The following GRAMD1B variants were observed in gnomAD, a reference collection of about 807,000 sequenced individuals.
GRAMD1B encodes protein Aster-B.
A neutral mutation model predicts 99.7 loss-of-function variants in GRAMD1B; 37 were observed. The observed-to-expected ratio is 0.37, with a 90% confidence interval of 0.29 to 0.49. GRAMD1B has a LOEUF of 0.49. Ranked by LOEUF, GRAMD1B falls within the 20% of genes least tolerant of loss-of-function variation. The pLI is 0.98. For synonymous variants in GRAMD1B, 427 were observed against 387.6 expected (o/e 1.10, Z -1.19); for missense variants, 888 against 1,009.2 (o/e 0.88, Z 1.63).
upstream of GRAMD1B, among the ~76,000 whole-genome samples, chr11:123,429,979 C>A (rs1948789369): frequency 6.6e-6 from 1 of 152,112 alleles, no homozygotes; most frequent in African/African-American, 2.4e-5. The surrounding 1 kb of genome is among the most constrained non-coding windows in gnomAD (Gnocchi z 4.0). Context: ...TTCATTGACT[C>A]CCCTTTCTCT....
At chr11:123,460,813 G>C (rs969792353) in intron 1 of GRAMD1B, among the ~76,000 whole-genome samples, 1 of 152,056 alleles carries the variant, frequency 6.6e-6, no homozygotes, top group African/African-American at 2.4e-5. Context: ...TCACTAGAGC[G>C]GTTGGTCTTT....
intron 16 of GRAMD1B, 100 bp downstream of exon 16, chr11:123,613,758 C>A: frequency 1.3e-6 from 1 of 777,698 alleles, no homozygotes; most frequent in Non-Finnish European, 2.1e-6. Context: ...TGCACCTTGG[C>A]TATAATTTGT....
chr11:123,438,590 T>C (rs1211139681), intron 1 of GRAMD1B, among the ~76,000 whole-genome samples: 2 of 152,102 alleles, frequency 1.3e-5, no homozygotes, highest in African/African-American at 4.8e-5. Flanking sequence ...ACTGAGACGG[T>C]AGAGATGGAA....
intron 1 of GRAMD1B, among the ~76,000 whole-genome samples, chr11:123,463,396 A>G (rs531557495): frequency 6.6e-6 from 1 of 152,364 alleles, no homozygotes; most frequent in East Asian, 1.9e-4. Context: ...AAGCATATAC[A>G]TGGGAGCACT....
At chr11:123,401,959 G>T (rs1401430538) in intron 1 of GRAMD1B, among the ~76,000 whole-genome samples, 1 of 152,128 alleles carries the variant, frequency 6.6e-6, no homozygotes, top group Admixed American at 6.5e-5. Context: ...TCCATTGGTT[G>T]TTACACTGGG....
rs535326569 is a variant in GRAMD1B at position 123,579,933 on chromosome 11, A to T, written c.663+2356A>T. On this transcript the variant is annotated intron_variant, in intron 3 of 19. Transcript: ENST00000635736. ...ATCAGGGGCCAAACTGGGCCTTTTC[A>T]TAGGAACTGAGGAGGGAGGTGCTGG... 5.3e-4 allele frequency among the ~76,000 whole-genome samples: 80 copies of T among 152,324 alleles called. 1 individual carries two copies. Among genetic ancestry groups the T allele is most frequent in the Non-Finnish European group, 1.1e-3 (72 of 68,032 alleles).
intron 2 of GRAMD1B, among the ~76,000 whole-genome samples, chr11:123,533,966 C>T (rs1401999992): frequency 2.0e-5 from 3 of 152,122 alleles, no homozygotes; most frequent in African/African-American, 7.2e-5. Context: ...GAGACTAATA[C>T]GAAAAGTTTG....
At position 123,594,901 on chromosome 11, in the gene GRAMD1B, G is replaced by A. The variant is rs140168231; in HGVS notation, c.873+63G>A. 4,052 of 843,662 alleles carry A rather than the reference G, an allele frequency of 4.8e-3. 43 individuals carry two copies. The highest frequency in any genetic ancestry group is 0.02 in the Admixed American group (1,151 of 57,916). 52.3% of individuals were successfully genotyped at this position (843,662 alleles called of 1,614,324 possible). ...GGCTATGGCTGAGCAAGCTGCCCTC[G>A]CTTTCTTCCTTTTGCTGACTTCATG... On this transcript the variant is annotated intron_variant, in intron 6 of 19. Coordinates refer to ENST00000635736, the MANE Select transcript of GRAMD1B (RefSeq NM_001387025.1).
At chr11:123,584,035 G>A (rs1949765672) in intron 3 of GRAMD1B, among the ~76,000 whole-genome samples, 1 of 152,000 alleles carries the variant, frequency 6.6e-6, no homozygotes, top group Non-Finnish European at 1.5e-5. Context: ...CCTTGCGATG[G>A]GGCTCCGACT....
chr11:123,526,862 C>A (rs970311477), intron 2 of GRAMD1B, among the ~76,000 whole-genome samples: 3 of 152,200 alleles, frequency 2.0e-5, no homozygotes, highest in Non-Finnish European at 4.4e-5. Flanking sequence ...TTTTTACCTT[C>A]CATTTAAAAA....
intron 2 of GRAMD1B, among the ~76,000 whole-genome samples, chr11:123,563,179 G>T (rs1201545663): frequency 6.6e-6 from 1 of 152,204 alleles, no homozygotes; most frequent in Non-Finnish European, 1.5e-5. Context: ...TTGTTCTATG[G>T]CTCACAAGGG....
chr11:123,409,269 C>T (rs1195926831), intron 1 of GRAMD1B, among the ~76,000 whole-genome samples: 1 of 152,194 alleles, frequency 6.6e-6, no homozygotes, highest in African/African-American at 2.4e-5. Context: ...TGTATAATTT[C>T]TCTGGTCCTC....
chr11:123,403,836 G>T (rs539452024), intron 1 of GRAMD1B, among the ~76,000 whole-genome samples: 1 of 152,030 alleles, frequency 6.6e-6, no homozygotes, highest in East Asian at 1.9e-4. Flanking sequence ...GAGCCACCGC[G>T]CCCGGCCTGC....
intron 2 of GRAMD1B, chr11:123,491,707 C>T: frequency 2.5e-6 from 1 of 394,254 alleles, no homozygotes; most frequent in Non-Finnish European, 4.5e-6. Context: ...TATTGAACCA[C>T]ACGGAGGGGA....
chr11:123,539,027 A>G (rs192660843), intron 2 of GRAMD1B, among the ~76,000 whole-genome samples: 44 of 152,188 alleles, frequency 2.9e-4, no homozygotes, highest in Middle Eastern at 3.4e-3. Context: ...AGCATGTATC[A>G]GTACTTCGTT....
At chr11:123,435,436 C>G in intron 1 of GRAMD1B, 1 of 702,524 alleles carries the variant, frequency 1.4e-6, no homozygotes, top group Non-Finnish European at 2.6e-6. Flanking sequence ...ACTTGAAGCT[C>G]AAGCTTGCGG....
At chr11:123,498,102 T>G (rs1488899665) in intron 2 of GRAMD1B, among the ~76,000 whole-genome samples, 4 of 152,014 alleles carry the variant, frequency 2.6e-5, no homozygotes, top group Non-Finnish European at 5.9e-5. Flanking sequence ...TGATGAATGC[T>G]GCCAGGCCTG....
rs1239070999 is a variant in GRAMD1B at position 123,380,616 on chromosome 11, C to T, written c.-176+21817C>T. Among the ~76,000 whole-genome samples the T allele has an allele frequency of 3.9e-5, 6 of 152,142 alleles. No homozygotes were observed. The East Asian group carries it at 1.2e-3, about 29-fold the overall frequency. On this transcript the variant is annotated intron_variant, in intron 1 of 20. Transcript: ENST00000638157. ...AGACGGATGGACCCTTTGTAGTTGGCGTTAGGTGATAAAGAGAATAGGAGG... is the reference window on the plus strand; with the variant it reads ...AGACGGATGGACCCTTTGTAGTTGGTGTTAGGTGATAAAGAGAATAGGAGG...
chr11:123,377,207 C>A (rs1457146277), intron 1 of GRAMD1B, among the ~76,000 whole-genome samples: 1 of 152,110 alleles, frequency 6.6e-6, no homozygotes, highest in Non-Finnish European at 1.5e-5. Flanking sequence ...ATTGATTTAT[C>A]TTGGGAGCAT....
Sources: gnomAD v4.1 joint callset for allele counts (sites outside exome capture counted in the v4.1 genomes callset) on GRCh38, gnomAD v4.1.1 for gene constraint, Gnocchi (gnomAD v3.1) non-coding constraint, MANE v1.5 for transcripts, NCBI Gene and HGNC (gene_info 2026-07-23, HGNC 2026-07-21) for gene names.